Variants in NF1 observed in about 807,000 individuals in gnomAD.
The protein encoded by NF1 is neurofibromin.
A neutral mutation model predicts 325.7 loss-of-function variants in NF1; 122 were observed. That is an observed-to-expected ratio of 0.37 (90% CI 0.32 to 0.44). The LOEUF (loss-of-function observed/expected upper bound fraction) is 0.44. Ranked by LOEUF, NF1 falls within the 20% of genes least tolerant of loss-of-function variation. The probability of loss-of-function intolerance (pLI) is 1.00; values close to 1 mark genes in which losing one functional copy is unlikely to be tolerated. For synonymous variants in NF1, 1,091 were observed against 1,186.0 expected (o/e 0.92, Z 1.65); for missense variants, 2,140 against 3,415.4 (o/e 0.63, Z 9.31).
chr17:31,128,879 T>TC (rs1484750489), intron 1 of NF1, among the ~76,000 whole-genome samples: 1 of 151,242 alleles, frequency 6.6e-6, no homozygotes, highest in Admixed American at 6.6e-5. Flanking sequence ...TGAGCCTAGA[T>TC]CGCGCCACTG....
At chr17:31,112,092 TATA>T (rs1913470565) in intron 1 of NF1, among the ~76,000 whole-genome samples, 2 of 152,128 alleles carry the variant, frequency 1.3e-5, no homozygotes, top group African/African-American at 4.8e-5. Context: ...CCAGCCTCCT[TATA>T]ATCCATTCCT....
intron 36 of NF1, among the ~76,000 whole-genome samples, chr17:31,276,455 A>G (rs1297865330): frequency 6.6e-6 from 1 of 152,160 alleles, no homozygotes; most frequent in African/African-American, 2.4e-5. Flanking sequence ...GTGGATCATA[A>G]TGCACATTCA....
chr17:31,127,923 A>AT (rs1237013422), intron 1 of NF1, among the ~76,000 whole-genome samples: 1 of 151,190 alleles, frequency 6.6e-6, no homozygotes, highest in South Asian at 2.1e-4. Flanking sequence ...TTTAATTAAT[A>AT]TTTTTTTTGT....
At position 31,375,531 on chromosome 17, in the gene NF1, G is replaced by A. The variant is rs2070719285; in HGVS notation, c.*1376G>A. 2 of 231,672 alleles carry A rather than the reference G, an allele frequency of 8.6e-6. No homozygotes were observed. Among genetic ancestry groups the A allele is most frequent in the African/African-American group, 4.4e-5 (2 of 45,220 alleles). 14.4% of individuals were successfully genotyped at this position (231,672 alleles called of 1,614,324 possible). ...ACTTCAGTGAGCATATTGGTATCTG[G>A]ATGTTCCAATTTAGAACTAAACCAT... On this transcript the variant is annotated 3_prime_UTR_variant, in exon 58 of 58. Coordinates refer to ENST00000358273, the MANE Select transcript of NF1 (RefSeq NM_001042492.3).
At chr17:31,175,950 CTT>C (rs1386507735) in intron 5 of NF1, among the ~76,000 whole-genome samples, 5 of 152,194 alleles carry the variant, frequency 3.3e-5, no homozygotes, top group African/African-American at 1.2e-4. Flanking sequence ...GGTTCCAAGT[CTT>C]TGCTGTTGTG....
chr17:31,256,278 C>G (rs999923059), intron 31 of NF1, among the ~76,000 whole-genome samples: 1 of 152,112 alleles, frequency 6.6e-6, no homozygotes, highest in African/African-American at 2.4e-5. Flanking sequence ...GCTGGGATTA[C>G]AGGTGTGGCT....
At chr17:31,286,956 A>G (rs567185096) in intron 36 of NF1, among the ~76,000 whole-genome samples, 4 of 152,350 alleles carry the variant, frequency 2.6e-5, no homozygotes, top group African/African-American at 4.8e-5. Context: ...GTATGTTTCA[A>G]CTGTGACTAT....
chr17:31,280,929 A>C (rs2068107375), intron 36 of NF1, among the ~76,000 whole-genome samples: 1 of 151,778 alleles, frequency 6.6e-6, no homozygotes. Flanking sequence ...TTATACTGTG[A>C]ATGGAAAATC....
intron 36 of NF1, among the ~76,000 whole-genome samples, chr17:31,267,852 A>G (rs947766592): frequency 6.6e-6 from 1 of 152,118 alleles, no homozygotes; most frequent in Admixed American, 6.6e-5. Context: ...GACCCTAATC[A>G]TTTTAAATTC....
intron 8 of NF1, among the ~76,000 whole-genome samples, chr17:31,200,110 T>C (rs2066499525): frequency 6.8e-6 from 1 of 147,484 alleles, no homozygotes; most frequent in Non-Finnish European, 1.5e-5. Flanking sequence ...TACTCCAGCC[T>C]GGGCAACAGA....
intron 1 of NF1, among the ~76,000 whole-genome samples, chr17:31,102,365 T>A (rs962372862): frequency 6.7e-4 from 101 of 151,276 alleles, no homozygotes; most frequent in African/African-American, 2.3e-3. Context: ...TATTATTATT[T>A]TTTGTGTGTG....
intron 1 of NF1, among the ~76,000 whole-genome samples, chr17:31,143,366 A>G (rs1597611628): frequency 6.6e-6 from 1 of 152,070 alleles, no homozygotes; most frequent in Admixed American, 6.6e-5. Context: ...TCCTGGGCTC[A>G]AGATATCCTC....
intron 36 of NF1, among the ~76,000 whole-genome samples, chr17:31,290,591 C>T (rs2151493868): frequency 6.6e-6 from 1 of 152,298 alleles, no homozygotes; most frequent in South Asian, 2.1e-4. Flanking sequence ...GTCACATATT[C>T]AGTTCTTCTG....
At chr17:31,359,149 T>C in intron 56 of NF1, 134 bp downstream of exon 56, 1 of 780,984 alleles carries the variant, frequency 1.3e-6, no homozygotes, top group Non-Finnish European at 2.1e-6. Flanking sequence ...GTTACTTTTA[T>C]AAAAAGTTTC....
chr17:31,141,849 G>A lies in NF1; in HGVS notation c.61-14134G>A, dbSNP rs548534996. 9.2e-5 allele frequency among the ~76,000 whole-genome samples: 14 copies of A among 152,238 alleles called. No individual in the cohort carries two copies. The South Asian group carries it at 2.5e-3, about 27-fold the overall frequency. ...ATTGTTGGGAGGAGGACTTAATTCCGTTTCTTGTGGGCTTCTTCCTGGTTT... is the reference window on the plus strand; with the variant it reads ...ATTGTTGGGAGGAGGACTTAATTCCATTTCTTGTGGGCTTCTTCCTGGTTT... On this transcript the variant is annotated intron_variant, in intron 1 of 57. Coordinates refer to ENST00000358273, the MANE Select transcript of NF1 (RefSeq NM_001042492.3).
intron 56 of NF1, chr17:31,360,073 A>G (rs2151587116): frequency 4.5e-6 from 1 of 221,176 alleles, no homozygotes; most frequent in African/African-American, 2.3e-5. Context: ...TAAGTATATC[A>G]TACAGAAGTT....
intron 1 of NF1, among the ~76,000 whole-genome samples, chr17:31,132,894 T>TG (rs1915497789): frequency 1.3e-5 from 2 of 152,162 alleles, no homozygotes; most frequent in Admixed American, 1.3e-4. Flanking sequence ...CTCGAACTCC[T>TG]GACCTCAGGT....
In NF1 at chr17:31,326,485, T is replaced by C. The variant is rs1053159311; in HGVS notation, c.5268+233T>C. 1.6e-4 allele frequency among the ~76,000 whole-genome samples: 24 copies of C among 152,070 alleles called. 1 individual carries two copies. ...CAACACGGTGAAACCCCGTCTCTAC[T>C]AAAAATACAAACATTAGCCGGGTAT... is the stretch of plus-strand genomic sequence containing the variant. On this transcript the variant is annotated intron_variant, in intron 37 of 57. Coordinates refer to ENST00000358273, the MANE Select transcript of NF1 (RefSeq NM_001042492.3).
rs1387817581 is a variant in NF1, at chr17:31,334,845, A to G, written c.5820A>G (p.Glu1940=). The part of the protein sequence containing the change: ...CISGFSKSSI[E]LKHLCLEYMT... ...TAGTGTATTTTTTTCCAGGTATTGA[A>G]TTGAAACACCTTTGTTTGGAATACA... The change falls in exon 40 of 58, where the codon GAA becomes GAG. Residue 1940 remains glutamate, a synonymous_variant. Transcript: ENST00000358273. The G allele has an allele frequency of 1.9e-6, 3 of 1,613,556 alleles. No homozygotes were observed. The East Asian group carries it at 6.7e-5, about 36-fold the overall frequency.
Sources: gnomAD v4.1 joint callset for allele counts (sites outside exome capture counted in the v4.1 genomes callset) on GRCh38, gnomAD v4.1.1 for gene constraint, MANE v1.5 for transcripts, NCBI Gene and HGNC (gene_info 2026-07-23, HGNC 2026-07-21) for gene names.